Variants in TUSC3 observed in about 807,000 individuals in gnomAD.
The protein encoded by TUSC3 is dolichyl-diphosphooligosaccharide--protein glycosyltransferase subunit TUSC3.
TUSC3 carries 45 observed loss-of-function variants against 44.8 expected under a neutral mutation model. That is an observed-to-expected ratio of 1.00 (90% CI 0.79 to 1.29). The LOEUF (loss-of-function observed/expected upper bound fraction) is 1.29. Ranked by LOEUF, TUSC3 falls within the 50% of genes most tolerant of loss-of-function variation. The pLI, the probability that TUSC3 is intolerant of heterozygous loss-of-function variation, is 0.00. For missense variants in TUSC3, 519 were observed against 437.9 expected (o/e 1.19, Z -1.65); for synonymous variants, 212 against 152.9 (o/e 1.39, Z -2.85).
chr8:15,763,523 AAG>A (rs1189511968), intron 10 of TUSC3, among the ~76,000 whole-genome samples: 29 of 152,150 alleles, frequency 1.9e-4, no homozygotes, highest in African/African-American at 6.7e-4. Flanking sequence ...AAGACTCAAA[AAG>A]AACATGCCAC....
intron 2 of TUSC3, among the ~76,000 whole-genome samples, chr8:15,639,574 TAA>T (rs778723898): frequency 2.6e-5 from 4 of 152,220 alleles, no homozygotes; most frequent in Non-Finnish European, 5.9e-5. Context: ...CATTTAAAGA[TAA>T]AACTTTCTGC....
chr8:15,603,859 C>A (rs1234684099), intron 1 of TUSC3, among the ~76,000 whole-genome samples: 1 of 151,310 alleles, frequency 6.6e-6, no homozygotes, highest in African/African-American at 2.4e-5. Context: ...ATGTTTTTCC[C>A]CTTTTTCAAG....
At chr8:15,670,352 A>C (rs550028890) in intron 5 of TUSC3, among the ~76,000 whole-genome samples, 1 of 151,868 alleles carries the variant, frequency 6.6e-6, no homozygotes, top group Non-Finnish European at 1.5e-5. Flanking sequence ...ATTTCACATA[A>C]AGCCATCTGG....
intron 9 of TUSC3, chr8:15,748,670 C>G: frequency 1.4e-6 from 1 of 723,490 alleles, no homozygotes; most frequent in Non-Finnish European, 2.6e-6. Context: ...TCCCTGACAG[C>G]ATGTAGTTTC....
the TUSC3 span, among the ~76,000 whole-genome samples, chr8:15,801,165 G>C: frequency 6.6e-6 from 1 of 152,278 alleles, no homozygotes; most frequent in East Asian, 1.9e-4. Flanking sequence ...ATTTTTAATG[G>C]TTATTTCTTG....
At chr8:15,793,073 C>T in the TUSC3 span, among the ~76,000 whole-genome samples, 1 of 152,134 alleles carries the variant, frequency 6.6e-6, no homozygotes, top group Admixed American at 6.5e-5. Context: ...GCTGCCTTCT[C>T]CTGCTGATCT....
At chr8:15,715,559 A>G (rs1483143532) in intron 6 of TUSC3, among the ~76,000 whole-genome samples, 2 of 152,140 alleles carry the variant, frequency 1.3e-5, no homozygotes, top group Non-Finnish European at 2.9e-5. Flanking sequence ...AACAGCCTGC[A>G]ACTTAAAGCA....
chr8:15,752,753 A>G (rs1309961361), intron 9 of TUSC3, among the ~76,000 whole-genome samples: 1 of 152,122 alleles, frequency 6.6e-6, no homozygotes, highest in Non-Finnish European at 1.5e-5. Flanking sequence ...ATTATCCCAG[A>G]ATCAAAGTTG....
chr8:15,523,696 GTGTGTGTGTGTGTA>G lies in TUSC3; in HGVS notation n.189+40215_189+40228del, dbSNP rs1801332976. Among the ~76,000 whole-genome samples the G allele has an allele frequency of 3.5e-4, 17 of 48,546 alleles. 1 individual carries two copies. Among genetic ancestry groups the G allele is most frequent in the Admixed American group, 8.7e-4 (4 of 4,602 alleles). 31.8% of individuals were successfully genotyped at this position (48,546 alleles called of 152,430 possible). On this transcript the variant is annotated intron_variant and non_coding_transcript_variant, in intron 2 of 5. Transcript: ENST00000503191. ...TGTGTGTGTGTGTGTGTGTGTGTGT[GTGTGTGTGTGTGTA>G]TATATATATATATATAAAGTAGTTC...
At chr8:15,593,329 G>T (rs188628691) in intron 1 of TUSC3, among the ~76,000 whole-genome samples, 1 of 152,068 alleles carries the variant, frequency 6.6e-6, no homozygotes, top group African/African-American at 2.4e-5. Context: ...CAGGTGATCC[G>T]CCCGCTTCGG....
chr8:15,444,721 G>C (rs1267445895), intron 1 of TUSC3, among the ~76,000 whole-genome samples: 1 of 152,114 alleles, frequency 6.6e-6, no homozygotes, highest in Non-Finnish European at 1.5e-5. Flanking sequence ...TATCTCCCAA[G>C]TATCGGTTCT....
intron 6 of TUSC3, among the ~76,000 whole-genome samples, chr8:15,702,752 T>A (rs934251927): frequency 6.6e-6 from 1 of 152,178 alleles, no homozygotes; most frequent in African/African-American, 2.4e-5. Context: ...ACCAGACTTA[T>A]ATTACTTAAA....
the TUSC3 span, among the ~76,000 whole-genome samples, chr8:15,784,532 A>C: frequency 6.6e-6 from 1 of 151,994 alleles, no homozygotes; most frequent in African/African-American, 2.4e-5. Context: ...ATATATATAC[A>C]TATGTGTGTG....
the TUSC3 span, among the ~76,000 whole-genome samples, chr8:15,807,839 A>G: frequency 6.6e-6 from 1 of 152,210 alleles, no homozygotes; most frequent in South Asian, 2.1e-4. Context: ...AAATATGGCA[A>G]CAATAGACAC....
At chr8:15,473,375 G>T (rs1800522295) in intron 1 of TUSC3, among the ~76,000 whole-genome samples, 4 of 152,324 alleles carry the variant, frequency 2.6e-5, no homozygotes, top group Middle Eastern at 6.8e-3. Context: ...CTTGCTAGTA[G>T]AATACATGTC....
At chr8:15,474,489 C>T (rs1800548394) in intron 1 of TUSC3, among the ~76,000 whole-genome samples, 1 of 152,116 alleles carries the variant, frequency 6.6e-6, no homozygotes, top group South Asian at 2.1e-4. Context: ...TCCCTCCGTT[C>T]AGAGTCCCTG....
chr8:15,536,429 C>T (rs1359078845), upstream of TUSC3, among the ~76,000 whole-genome samples: 1 of 151,966 alleles, frequency 6.6e-6, no homozygotes, highest in African/African-American at 2.4e-5. Context: ...CGCCTGTAAT[C>T]CCAGCACTTT....
intron 1 of TUSC3, among the ~76,000 whole-genome samples, chr8:15,443,865 T>C (rs1800056237): frequency 2.6e-5 from 4 of 151,692 alleles, no homozygotes; most frequent in African/African-American, 7.3e-5. Context: ...ATAAACTGGC[T>C]CACCTGATCT....
At chr8:15,620,688 A>G (rs1805204667) in intron 1 of TUSC3, among the ~76,000 whole-genome samples, 3 of 152,160 alleles carry the variant, frequency 2.0e-5, no homozygotes, top group African/African-American at 7.2e-5. Flanking sequence ...TTAAATAAGA[A>G]CTATTCCTCT....
Sources: allele counts gnomAD v4.1 joint callset (sites outside exome capture counted in the v4.1 genomes callset), GRCh38; gene constraint gnomAD v4.1.1; transcripts MANE v1.5; gene names NCBI Gene and HGNC (gene_info 2026-07-23, HGNC 2026-07-21).